SGMS1: variants seen among roughly 807,000 people sequenced by gnomAD.
The protein encoded by SGMS1 is phosphatidylcholine:ceramide cholinephosphotransferase 1.
In SGMS1, 13 loss-of-function variants were observed where a neutral mutation model predicts 46.2. The observed-to-expected ratio is 0.28, with a 90% CI of 0.18 to 0.45. The LOEUF (loss-of-function observed/expected upper bound fraction) is 0.45, where lower values mean the gene tolerates loss of function less well. SGMS1 is among the 20% of genes least tolerant of loss of function. The probability of loss-of-function intolerance (pLI) is 1.00; values close to 1 mark genes in which losing one functional copy is unlikely to be tolerated. For synonymous variants in SGMS1, 203 were observed against 187.8 expected, an observed-to-expected ratio of 1.08 and a Z score of -0.66; for missense variants, 324 against 519.9, an observed-to-expected ratio of 0.62 and a Z score of 3.66.
At chr10:50,516,248 T>C (rs1837805260) in intron 3 of SGMS1, among the ~76,000 whole-genome samples, 1 of 152,200 alleles carries the variant, frequency 6.6e-6, no homozygotes. Flanking sequence ...CAACTTAGCA[T>C]TCTACAGACC....
At chr10:50,624,105 C>T, upstream of SGMS1, 1 of 985,212 alleles carries the variant, frequency 1.0e-6, no homozygotes, top group Non-Finnish European at 1.2e-6. Flanking sequence ...GGACCCCGAA[C>T]CAAGGGACAG....
chr10:50,602,816 C>T (rs1838660866), intron 1 of SGMS1, among the ~76,000 whole-genome samples: 1 of 152,018 alleles, frequency 6.6e-6, no homozygotes, highest in Non-Finnish European at 1.5e-5. Context: ...AGAAAATAAA[C>T]ATAAAGCCTC....
intron 2 of SGMS1, among the ~76,000 whole-genome samples, chr10:50,545,409 A>G (rs998232535): frequency 1.3e-5 from 2 of 152,014 alleles, no homozygotes; most frequent in African/African-American, 4.8e-5. Context: ...TCTGAAAAGG[A>G]AAGGGTTTTG....
At chr10:50,523,937 A>G (rs1837877370) in intron 2 of SGMS1, among the ~76,000 whole-genome samples, 2 of 152,228 alleles carry the variant, frequency 1.3e-5, no homozygotes, top group African/African-American at 4.8e-5. Flanking sequence ...TTCCAAACAC[A>G]GTTTGCAGAC....
intron 2 of SGMS1, among the ~76,000 whole-genome samples, chr10:50,562,704 C>T (rs1184148304): frequency 1.3e-5 from 2 of 152,072 alleles, no homozygotes; most frequent in Admixed American, 6.5e-5. Context: ...CCCCTATGCC[C>T]GGCTAATTTT....
chr10:50,545,299 AT>A (rs983125177), intron 2 of SGMS1, among the ~76,000 whole-genome samples: 2 of 152,156 alleles, frequency 1.3e-5, no homozygotes, highest in Non-Finnish European at 2.9e-5. Context: ...AAAAAGAAGT[AT>A]TTGTGTGTCC....
At chr10:50,560,230 A>C (rs1309751292) in intron 2 of SGMS1, among the ~76,000 whole-genome samples, 1 of 143,750 alleles carries the variant, frequency 7.0e-6, no homozygotes, top group East Asian at 2.0e-4. Flanking sequence ...TACATAATAT[A>C]TAACATAATA....
chr10:50,502,009 C>A (rs891913095), intron 3 of SGMS1, among the ~76,000 whole-genome samples: 1 of 151,986 alleles, frequency 6.6e-6, no homozygotes, highest in African/African-American at 2.4e-5. Flanking sequence ...GAGCAGAGGG[C>A]CTCCCTTGTG....
intron 6 of SGMS1, among the ~76,000 whole-genome samples, chr10:50,428,260 T>C (rs561806420): frequency 2.0e-5 from 3 of 152,096 alleles, no homozygotes; most frequent in Non-Finnish European, 4.4e-5. Flanking sequence ...TGGCGCATGA[T>C]AGTCCCATGG....
chr10:50,624,484 T>C (rs1838895501), upstream of SGMS1: 2 of 622,264 alleles, frequency 3.2e-6, no homozygotes, highest in African/African-American at 2.0e-5. Context: ...CTCATCTTTC[T>C]CCCACAACAG....
At chr10:50,611,096 C>T (rs578036586) in intron 1 of SGMS1, among the ~76,000 whole-genome samples, 35 of 152,288 alleles carry the variant, frequency 2.3e-4, no homozygotes, top group African/African-American at 7.9e-4. Flanking sequence ...GTGAAAATCT[C>T]GACAACACAC....
intron 8 of SGMS1, among the ~76,000 whole-genome samples, chr10:50,322,347 A>G (rs755620171): frequency 1.3e-5 from 2 of 152,230 alleles, no homozygotes; most frequent in African/African-American, 2.4e-5. Context: ...TATGAAAATG[A>G]GAGTCGAAAA....
chr10:50,547,467 C>T (rs1588873260), intron 2 of SGMS1, among the ~76,000 whole-genome samples: 1 of 152,242 alleles, frequency 6.6e-6, no homozygotes, highest in South Asian at 2.1e-4. Context: ...TTCCTAGATA[C>T]ATATACTCTC....
At chr10:50,446,736 C>T (rs1837021472) in intron 5 of SGMS1, among the ~76,000 whole-genome samples, 1 of 152,174 alleles carries the variant, frequency 6.6e-6, no homozygotes, top group Non-Finnish European at 1.5e-5. Flanking sequence ...ACGTGTTTGC[C>T]TCTGGGATGG....
chr10:50,543,562 A>G (rs889250129), intron 2 of SGMS1, among the ~76,000 whole-genome samples: 3 of 152,246 alleles, frequency 2.0e-5, no homozygotes, highest in African/African-American at 7.2e-5. Flanking sequence ...GAACCCTGAA[A>G]CAAAGTGTGG....
intron 6 of SGMS1, among the ~76,000 whole-genome samples, chr10:50,364,872 G>A (rs1490446789): frequency 6.6e-6 from 1 of 152,034 alleles, no homozygotes; most frequent in African/African-American, 2.4e-5. Context: ...TCAGATATGT[G>A]CTGACGATTT....
chr10:50,541,426 T>C (rs1355036648), intron 2 of SGMS1, among the ~76,000 whole-genome samples: 1 of 152,210 alleles, frequency 6.6e-6, no homozygotes, highest in East Asian at 1.9e-4. Flanking sequence ...AATTTCATCT[T>C]TCATTGACTA....
intron 2 of SGMS1, among the ~76,000 whole-genome samples, chr10:50,553,828 C>T (rs1838169196): frequency 6.6e-6 from 1 of 152,138 alleles, no homozygotes; most frequent in Admixed American, 6.5e-5. Flanking sequence ...GGCCCATTTG[C>T]TAAATTATAA....
At chr10:50,552,484 T>A (rs901650869) in intron 2 of SGMS1, among the ~76,000 whole-genome samples, 1 of 152,238 alleles carries the variant, frequency 6.6e-6, no homozygotes, top group Non-Finnish European at 1.5e-5. Flanking sequence ...AAAGCCTTCA[T>A]TGTGCATTGG....
Sources: allele counts gnomAD v4.1 joint callset (sites outside exome capture counted in the v4.1 genomes callset), GRCh38; gene constraint gnomAD v4.1.1; transcripts MANE v1.5; gene names NCBI Gene and HGNC (gene_info 2026-07-23, HGNC 2026-07-21).